The following FRMPD4 variants were observed in gnomAD, a reference collection of about 807,000 sequenced individuals.
The protein encoded by FRMPD4 is FERM and PDZ domain containing 4, also known as FERM and PDZ domain-containing protein 4.
FRMPD4 carries 22 observed loss-of-function variants against 94.1 expected under a neutral mutation model. The ratio of observed to expected loss-of-function variants is 0.23; its 90% CI spans 0.17 to 0.33. FRMPD4 has a LOEUF of 0.33. FRMPD4 is among the 10% of genes least tolerant of loss of function. The pLI is 1.00. For missense variants in FRMPD4, 1,111 were observed against 1,339.9 expected (o/e 0.83, Z 2.67); for synonymous variants, 631 against 548.6 (o/e 1.15, Z -2.10).
intron 3 of FRMPD4, among the ~76,000 whole-genome samples, chrX:12,130,653 C>G (rs201535268): frequency 3.6e-5 from 4 of 110,971 alleles, no homozygotes; most frequent in East Asian, 2.8e-4. Context: ...GGTCTCAAGT[C>G]TGCCATTTTT....
rs146813699 is a variant in FRMPD4, at chrX:12,522,535, T to C, written c.158+23739T>C. ...TTGTCCTAATTCTGGAAGATTACAA[T>C]TTATAAACTCCAGAACTTTATTATA... is the stretch of plus-strand genomic sequence containing the variant. On this transcript the variant is annotated intron_variant, in intron 2 of 16. Coordinates refer to ENST00000675598, the MANE Select transcript of FRMPD4 (RefSeq NM_001368397.1). 0.012 allele frequency among the ~76,000 whole-genome samples: 1,346 copies of C among 110,865 alleles called. 40 individuals carry two copies. In the East Asian group the frequency reaches 0.13, roughly 11 times the overall value.
chrX:11,888,785 C>A (rs2053859502), intron 3 of FRMPD4, among the ~76,000 whole-genome samples: 1 of 112,082 alleles, frequency 8.9e-6, no homozygotes, highest in African/African-American at 3.2e-5. Context: ...AAAATGCATA[C>A]CTTAGTTTAA....
chrX:11,998,511 G>A (rs1302096991), intron 3 of FRMPD4, among the ~76,000 whole-genome samples: 2 of 111,297 alleles, frequency 1.8e-5, no homozygotes, highest in Non-Finnish European at 3.8e-5. Flanking sequence ...CTGAAAGTAG[G>A]GTCTGGAACA....
chrX:12,568,932 C>T (rs752006954), intron 2 of FRMPD4, among the ~76,000 whole-genome samples: 1 of 111,811 alleles, frequency 8.9e-6, no homozygotes, highest in South Asian at 3.8e-4. Context: ...CCATTGTGAT[C>T]GTATTAAGAG....
At chrX:11,905,179 A>G (rs1173045260) in intron 3 of FRMPD4, among the ~76,000 whole-genome samples, 1 of 112,338 alleles carries the variant, frequency 8.9e-6, no homozygotes, top group Non-Finnish European at 1.9e-5. Flanking sequence ...GGGAACATCC[A>G]GGAAATACTT....
chrX:12,440,050 T>C (rs149725982), intron 1 of FRMPD4, among the ~76,000 whole-genome samples: 1,857 of 111,805 alleles, frequency 0.017, 34 homozygotes, highest in African/African-American at 0.052. Context: ...TTTTTAAAAA[T>C]CTATAAAATG....
intron 3 of FRMPD4, among the ~76,000 whole-genome samples, chrX:12,107,050 A>G (rs2055305808): frequency 9.0e-6 from 1 of 111,610 alleles, no homozygotes; most frequent in African/African-American, 3.3e-5. Context: ...TGAATAGAGT[A>G]GTGGTTCTCC....
chrX:12,122,594 T>C (rs1246052661), intron 3 of FRMPD4, among the ~76,000 whole-genome samples: 4 of 92,259 alleles, frequency 4.3e-5, no homozygotes, highest in Middle Eastern at 5.1e-3. Context: ...ATTAACTGTA[T>C]CTTTTTTTTT....
At chrX:12,141,207 T>A (rs1199936241) in intron 1 of FRMPD4, among the ~76,000 whole-genome samples, 1 of 112,103 alleles carries the variant, frequency 8.9e-6, no homozygotes, top group Non-Finnish European at 1.9e-5. Context: ...GATTTCAGAA[T>A]GGATAATCTT....
At chrX:12,403,652 G>A (rs1171811121) in intron 1 of FRMPD4, among the ~76,000 whole-genome samples, 2 of 111,350 alleles carry the variant, frequency 1.8e-5, no homozygotes, top group African/African-American at 6.5e-5. Flanking sequence ...CCTAACACAG[G>A]ACCTGGTTCT....
At chrX:12,690,028 C>T (rs1164806973) in intron 7 of FRMPD4, among the ~76,000 whole-genome samples, 167 bp from the exon 8 acceptor site, 1 of 112,557 alleles carries the variant, frequency 8.9e-6, no homozygotes, top group African/African-American at 3.2e-5. Context: ...AGGAAGGCTT[C>T]ATTTCTGCAT....
chrX:12,231,030 G>GTGTATATATA (rs2056993261), intron 1 of FRMPD4, among the ~76,000 whole-genome samples: 2 of 26,387 alleles, frequency 7.6e-5, no homozygotes, highest in African/African-American at 2.4e-4. Flanking sequence ...TATATATATA[G>GTGTATATATA]TATATATATA....
At chrX:12,508,914 C>A (rs1392043244) in intron 2 of FRMPD4, among the ~76,000 whole-genome samples, 1 of 103,705 alleles carries the variant, frequency 9.6e-6, no homozygotes, top group Non-Finnish European at 2.0e-5. Flanking sequence ...ATCACTTGAA[C>A]CCAGGAGGTG....
chrX:12,030,419 G>T (rs777778989), intron 3 of FRMPD4, among the ~76,000 whole-genome samples: 15 of 111,507 alleles, frequency 1.3e-4, no homozygotes, highest in Admixed American at 2.8e-4. Flanking sequence ...TTTTTTTTGT[G>T]GGGGGGAGGT....
chrX:12,416,196 C>T (rs1035722404), intron 1 of FRMPD4, among the ~76,000 whole-genome samples: 2 of 109,408 alleles, frequency 1.8e-5, no homozygotes, highest in Non-Finnish European at 3.9e-5. Context: ...CTTCCTCCTC[C>T]TTTCTTCCCT....
At chrX:12,038,771 T>A (rs1283078323) in intron 3 of FRMPD4, among the ~76,000 whole-genome samples, 1 of 112,179 alleles carries the variant, frequency 8.9e-6, no homozygotes, top group Non-Finnish European at 1.9e-5. Flanking sequence ...GCTTTTAACT[T>A]CCCTAGGATT....
At chrX:12,099,629 G>A (rs1352491521) in intron 3 of FRMPD4, among the ~76,000 whole-genome samples, 1 of 112,235 alleles carries the variant, frequency 8.9e-6, no homozygotes, top group East Asian at 2.8e-4. Flanking sequence ...TAATGAGCAT[G>A]GGCCCTGGAA....
rs1247414087 is a variant in FRMPD4, at chrX:12,306,821, T to A, written c.41+167809T>A. On this transcript the variant is annotated intron_variant, in intron 1 of 16. Coordinates refer to ENST00000675598, the MANE Select transcript of FRMPD4 (RefSeq NM_001368397.1). ...TGTGCCACTGGAAATAGTGGCAGAA[T>A]CTTCCAATGCAACAGACTTCAAAGA... Among the ~76,000 whole-genome samples, 7 of 112,594 alleles carry A rather than the reference T, an allele frequency of 6.2e-5. No individual in the cohort carries two copies. The Admixed American group carries it at 6.6e-4, about 11-fold the overall frequency.
intron 1 of FRMPD4, among the ~76,000 whole-genome samples, chrX:12,402,378 G>A (rs1263076568): frequency 4.5e-5 from 5 of 111,064 alleles, no homozygotes; most frequent in Non-Finnish European, 7.6e-5. Context: ...CCCTGAGGTG[G>A]GAATACGCTC....
Sources: allele counts gnomAD v4.1 joint callset (sites outside exome capture counted in the v4.1 genomes callset), GRCh38; gene constraint gnomAD v4.1.1; transcripts MANE v1.5; gene names NCBI Gene and HGNC (gene_info 2026-07-23, HGNC 2026-07-21).